Variants in DCTN2 observed in about 807,000 individuals in gnomAD.
The protein encoded by DCTN2 is dynactin subunit 2.
A neutral mutation model predicts 55.4 loss-of-function variants in DCTN2; 18 were observed. The observed-to-expected ratio is 0.32, with a 90% confidence interval of 0.22 to 0.48. DCTN2 has a LOEUF of 0.48. Among genes scored for constraint, DCTN2 ranks in the 20% least tolerant of loss-of-function variants. The pLI is 0.99. For synonymous variants in DCTN2, 168 were observed against 185.2 expected (o/e 0.91, Z 0.76); for missense variants, 390 against 491.0 (o/e 0.79, Z 1.94).
At chr12:57,542,270 C>T (rs1357904032) in intron 2 of DCTN2, among the ~76,000 whole-genome samples, 1 of 151,104 alleles carries the variant, frequency 6.6e-6, no homozygotes, top group Non-Finnish European at 1.5e-5. Context: ...GAGTGAAACT[C>T]CATCTTGAAA....
Position 57,542,718 on chromosome 12 carries a change from C to A in DCTN2, c.105+3310G>T, listed in dbSNP as rs999670841. 189 of 440,830 alleles carry A rather than the reference C, an allele frequency of 4.3e-4. 4 individuals are homozygous for A. Among genetic ancestry groups the A allele is most frequent in the South Asian group, 2.5e-3 (157 of 62,680 alleles). The allele number at this position is 440,830 out of a possible 1,614,324, so 27.3% of individuals were successfully genotyped here. On this transcript the variant is annotated intron_variant, in intron 2 of 13. Transcript: ENST00000548249. ...CCTGTAATTCCAGCTACTTGGGAGG[C>A]TGAGGCAGGAGAATCGCTTGAACCG... is the stretch of plus-strand genomic sequence containing the variant.
intron 2 of DCTN2, among the ~76,000 whole-genome samples, chr12:57,536,792 GCATGTC>G (rs1002229648): frequency 6.6e-6 from 1 of 151,984 alleles, no homozygotes; most frequent in African/African-American, 2.4e-5. Flanking sequence ...ACTCCTGACT[GCATGTC>G]CCTTTTTCAA....
chr12:57,535,465 AC>A lies in DCTN2; in HGVS notation c.264+18del, dbSNP rs1880154533. 1 of 1,613,200 alleles carries A rather than the reference AC, an allele frequency of 6.2e-7. No homozygotes were observed. Among genetic ancestry groups the A allele is most frequent in the Admixed American group, 1.7e-5 (1 of 59,988 alleles). On this transcript the variant is annotated intron_variant, in intron 4 of 13. Coordinates refer to ENST00000548249, the MANE Select transcript of DCTN2 (RefSeq NM_001261413.2). The stretch of plus-strand genomic sequence containing the variant: ...GTCACTACACCATTCCCATCAACAC[AC>A]ACACACACACAACAAACCATCTCAT...
At position 57,532,653 on chromosome 12, in the gene DCTN2, C is replaced by G. The variant is rs375551214; in HGVS notation, c.853-10G>C. 1.2e-6 allele frequency: 2 copies of G among 1,613,952 alleles called. No individual in the cohort carries two copies. The highest frequency in any genetic ancestry group is 1.7e-5 in the Admixed American group (1 of 60,016). On this transcript the variant is annotated splice_polypyrimidine_tract_variant and intron_variant, in intron 10 of 13. Coordinates refer to ENST00000548249, the MANE Select transcript of DCTN2 (RefSeq NM_001261413.2). ...CCTTTCCCAGGACACTCTGAAAACACAGATTTTAAGGTTGATAGGGCATCC... is the reference window on the plus strand; with the variant it reads ...CCTTTCCCAGGACACTCTGAAAACAGAGATTTTAAGGTTGATAGGGCATCC...
intron 11 of DCTN2, 120 bp downstream of exon 11, chr12:57,532,452 G>A: frequency 7.4e-7 from 1 of 1,348,916 alleles, no homozygotes; most frequent in South Asian, 1.2e-5. Flanking sequence ...AAGCTGATAA[G>A]CTCTTCATAA....
At chr12:57,537,321 G>A (rs1378005088) in intron 2 of DCTN2, among the ~76,000 whole-genome samples, 2 of 142,758 alleles carry the variant, frequency 1.4e-5, no homozygotes, top group South Asian at 2.3e-4. Flanking sequence ...GCAACAGAGT[G>A]AGACCCTGTC....
chr12:57,546,193 G>T (rs1014212750), intron 1 of DCTN2, 97 bp from the exon 2 acceptor site: 7 of 1,192,636 alleles, frequency 5.9e-6, no homozygotes, highest in African/African-American at 3.0e-5. Context: ...AGAAGGCGGG[G>T]TGTGATGTCA....
At chr12:57,531,573 G>C (rs752407169) in intron 13 of DCTN2, among the ~76,000 whole-genome samples, 1 of 152,110 alleles carries the variant, frequency 6.6e-6, no homozygotes, top group Non-Finnish European at 1.5e-5. Context: ...ATTACTAAAA[G>C]AATGAAGGAG....
Position 57,534,419 on chromosome 12 carries a change from G to C in DCTN2, c.397C>G (p.Leu133Val), listed in dbSNP as rs1485061989. 1.2e-6 allele frequency: 2 copies of C among 1,609,982 alleles called. No homozygotes were observed. The highest frequency in any genetic ancestry group is 1.7e-5 in the Admixed American group (1 of 59,682). Residue 133 changes from leucine to valine, a missense_variant, in exon 6 of 14, where the codon CTG becomes GTG. By Grantham distance (32) the Leu-to-Val change is conservative. Coordinates refer to ENST00000548249, the MANE Select transcript of DCTN2 (RefSeq NM_001261413.2). ...TGTTTAGCCAGCAACACAGGGGTCA[G>C]CTTCTCCTCTGTGGCTGACTCCTTC... ...TVKESATEEK[L>V]TPVLLAKQLA...
chr12:57,545,913 C>G, intron 2 of DCTN2, 115 bp downstream of exon 2: 1 of 1,056,630 alleles, frequency 9.5e-7, no homozygotes, highest in Non-Finnish European at 1.4e-6. Flanking sequence ...TATATACCAC[C>G]CAGGCTGGGG....
Position 57,535,923 on chromosome 12 carries a change from A to T in DCTN2, c.106-78T>A, listed in dbSNP as rs533076226. 1,915 of 1,131,308 alleles carry T rather than the reference A, an allele frequency of 1.7e-3. 4 individuals carry two copies. Among genetic ancestry groups the T allele is most frequent in the Admixed American group, 3.2e-3 (161 of 50,320 alleles). The allele number at this position is 1,131,308 out of a possible 1,614,324, so 70.1% of individuals were successfully genotyped here. A position where few individuals can be genotyped will look rare whatever the true frequency, so the allele number is the denominator to read the frequency against. ...TTACTCTACCCCACAAAATCCCCAA[A>T]CCATTAGGTGACTGGGCCCTACTTG... On this transcript the variant is annotated intron_variant, in intron 2 of 13. Transcript: ENST00000548249.
rs1244186139 is a variant in DCTN2 at position 57,532,787 on chromosome 12, T to G, written c.798A>C (p.Ala266=). 1 of 1,613,998 alleles carries G rather than the reference T, an allele frequency of 6.2e-7. No individual in the cohort carries two copies. The highest frequency in any genetic ancestry group is 8.5e-7 in the Non-Finnish European group (1 of 1,179,900). The part of the protein sequence containing the change: ...CLMETVELLQ[A]KVSALDLAVL... ...CTGCAAGGTCTAGGGCGCTCACCTT[T>G]GCTTGCAACAGCTCTACAGTCTCCT... Residue 266 remains alanine (A), a synonymous_variant, in exon 10 of 14, where the codon GCA becomes GCC. Coordinates refer to ENST00000548249, the MANE Select transcript of DCTN2 (RefSeq NM_001261413.2).
In DCTN2 at chr12:57,532,316, C is replaced by A; in HGVS notation, c.925-1G>T. The A allele has an allele frequency of 6.4e-7, 1 of 1,558,546 alleles. No individual in the cohort carries two copies. Among genetic ancestry groups the A allele is most frequent in the South Asian group, 1.2e-5 (1 of 84,680 alleles). On this transcript the variant is annotated splice_acceptor_variant, in intron 11 of 13. Transcript: ENST00000548249. LOFTEE classifies it high-confidence loss of function. ...GTATAGTTTCATATAGCTGGTGCAC[C>A]TGAAGGGACACAATGGGGCCCAGAG...
At chr12:57,533,142 T>C in intron 8 of DCTN2, 96 bp downstream of exon 8, 4 of 1,567,014 alleles carry the variant, frequency 2.6e-6, no homozygotes, top group Non-Finnish European at 3.5e-6. Context: ...TGAAGCCCTT[T>C]GATGACTCCT....
intron 2 of DCTN2, 65 bp downstream of exon 2, chr12:57,545,963 G>C: frequency 6.5e-7 from 1 of 1,542,908 alleles, no homozygotes; most frequent in Non-Finnish European, 8.9e-7. Flanking sequence ...CCCGAGAAAG[G>C]GAAGGACCTG....
At chr12:57,540,628 ACT>A (rs1301100766) in intron 2 of DCTN2, among the ~76,000 whole-genome samples, 1 of 152,104 alleles carries the variant, frequency 6.6e-6, no homozygotes, top group Admixed American at 6.6e-5. Context: ...GGCCACTGTT[ACT>A]CTCTGAGCCT....
rs1027759029 is a variant in DCTN2 at position 57,542,733 on chromosome 12, C to A, written c.105+3295G>T. 9.0e-6 allele frequency: 4 copies of A among 445,448 alleles called. No homozygotes were observed. In the Admixed American group the frequency reaches 9.6e-5, roughly 11 times the overall value. The allele number at this position is 445,448 out of a possible 1,614,324, so 27.6% of individuals were successfully genotyped here. A position where few individuals can be genotyped will look rare whatever the true frequency, so the allele number is the denominator to read the frequency against. Reference sequence around the variant, plus strand: ...ACTTGGGAGGCTGAGGCAGGAGAATCGCTTGAACCGGGGAGGCAAAGGTTG... The same window carrying A: ...ACTTGGGAGGCTGAGGCAGGAGAATAGCTTGAACCGGGGAGGCAAAGGTTG... On this transcript the variant is annotated intron_variant, in intron 2 of 13. Coordinates refer to ENST00000548249, the MANE Select transcript of DCTN2 (RefSeq NM_001261413.2).
At chr12:57,535,192 A>C in intron 4 of DCTN2, 38 bp from the exon 5 acceptor site, 5 of 1,526,606 alleles carry the variant, frequency 3.3e-6, no homozygotes, top group Non-Finnish European at 4.5e-6. Context: ...TATATGTCTC[A>C]TTACAGGGAG....
intron 7 of DCTN2, 58 bp from the exon 8 acceptor site, chr12:57,533,361 GA>G: frequency 6.6e-7 from 1 of 1,504,568 alleles, no homozygotes; most frequent in Non-Finnish European, 9.2e-7. Context: ...GCAATGGGAG[GA>G]ATACGATCCT....
Sources: allele counts gnomAD v4.1 joint callset (sites outside exome capture counted in the v4.1 genomes callset), GRCh38; gene constraint gnomAD v4.1.1; transcripts MANE v1.5; gene names NCBI Gene and HGNC (gene_info 2026-07-23, HGNC 2026-07-21).